CTNNA2: variants seen among roughly 807,000 people sequenced by gnomAD.
CTNNA2 encodes the protein catenin alpha 2, also known as catenin alpha-2.
Under a neutral mutation model 101.0 loss-of-function variants are expected in CTNNA2, and 42 were observed. The ratio of observed to expected loss-of-function variants is 0.42; its 90% CI spans 0.32 to 0.54. The LOEUF (loss-of-function observed/expected upper bound fraction) is 0.54, where lower values mean the gene tolerates loss of function less well. Ranked by LOEUF, CTNNA2 falls within the 20% of genes least tolerant of loss-of-function variation. CTNNA2 has a pLI of 0.14. For synonymous variants in CTNNA2, 450 were observed against 456.4 expected, an observed-to-expected ratio of 0.99 and a Z score of 0.18; for missense variants, 871 against 1,223.1, an observed-to-expected ratio of 0.71 and a Z score of 4.29.
intron 17 of CTNNA2, among the ~76,000 whole-genome samples, chr2:80,614,171 T>C (rs1388512833): frequency 6.6e-6 from 1 of 151,504 alleles, no homozygotes; most frequent in African/African-American, 2.4e-5. Flanking sequence ...ACTTGGAAAT[T>C]GGACACATGG....
chr2:79,959,001 G>A (rs1689441131), intron 7 of CTNNA2, among the ~76,000 whole-genome samples: 1 of 152,186 alleles, frequency 6.6e-6, no homozygotes, highest in East Asian at 1.9e-4. Flanking sequence ...TCGCAAGGAT[G>A]TATTAATCAA....
At chr2:80,381,933 C>A (rs1379123926) in intron 7 of CTNNA2, among the ~76,000 whole-genome samples, 3 of 152,204 alleles carry the variant, frequency 2.0e-5, no homozygotes, top group African/African-American at 7.2e-5. Flanking sequence ...TGTACTTCTT[C>A]TTCCAAGGGT....
At chr2:80,097,981 C>A (rs997585382) in intron 7 of CTNNA2, among the ~76,000 whole-genome samples, 1 of 152,118 alleles carries the variant, frequency 6.6e-6, no homozygotes, top group African/African-American at 2.4e-5. Context: ...GTAGTTCGAT[C>A]TTCTGAAACC....
At chr2:80,609,380 T>G (rs2149786442) in intron 17 of CTNNA2, among the ~76,000 whole-genome samples, 1 of 151,932 alleles carries the variant, frequency 6.6e-6, no homozygotes, top group East Asian at 1.9e-4. Context: ...AGAACTGATC[T>G]GGCTTGCATA....
intron 9 of CTNNA2, among the ~76,000 whole-genome samples, chr2:80,503,896 A>G (rs1053701735): frequency 1.3e-5 from 2 of 152,134 alleles, no homozygotes; most frequent in African/African-American, 4.8e-5. Context: ...TGAAAAGAGA[A>G]TGCTGAGCCA....
chr2:80,574,074 C>A (rs1694828574), intron 12 of CTNNA2, 89 bp from the exon 13 acceptor site: 2 of 1,391,784 alleles, frequency 1.4e-6, no homozygotes, highest in South Asian at 2.6e-5. Context: ...TTTTAGAATG[C>A]CCGAGGACCT....
intron 2 of CTNNA2, among the ~76,000 whole-genome samples, chr2:79,708,859 G>A (rs1685559108): frequency 6.6e-6 from 1 of 152,136 alleles, no homozygotes. Context: ...ATGAGAGGTG[G>A]CAGAACAGGT....
At chr2:80,258,110 G>A (rs1184177979) in intron 7 of CTNNA2, among the ~76,000 whole-genome samples, 1 of 152,196 alleles carries the variant, frequency 6.6e-6, no homozygotes, top group Non-Finnish European at 1.5e-5. Flanking sequence ...TCTAACAGAT[G>A]GATGTAAAGT....
intron 3 of CTNNA2, among the ~76,000 whole-genome samples, chr2:79,744,934 G>T (rs962789794): frequency 2.0e-5 from 3 of 152,126 alleles, no homozygotes; most frequent in Admixed American, 6.5e-5. Flanking sequence ...ATGGATGAAG[G>T]GGGAGAAGAA....
intron 2 of CTNNA2, among the ~76,000 whole-genome samples, chr2:79,694,473 T>G: frequency 6.6e-6 from 1 of 152,052 alleles, no homozygotes; most frequent in Non-Finnish European, 1.5e-5. Context: ...TGCTATGCAC[T>G]TCTTTGTCAA....
chr2:79,903,993 A>T (rs1685246267), intron 6 of CTNNA2, among the ~76,000 whole-genome samples: 1 of 152,146 alleles, frequency 6.6e-6, no homozygotes, highest in Non-Finnish European at 1.5e-5. Flanking sequence ...GGCACCGTAC[A>T]TGTGACCAGC....
intron 7 of CTNNA2, among the ~76,000 whole-genome samples, chr2:80,057,798 C>A (rs571925078): frequency 6.6e-5 from 10 of 152,274 alleles, no homozygotes; most frequent in Non-Finnish European, 1.3e-4. Flanking sequence ...ATTTGGATTT[C>A]TTTTGTGTAT....
intron 4 of CTNNA2, among the ~76,000 whole-genome samples, chr2:79,422,416 C>A (rs1280553610): frequency 6.6e-6 from 1 of 151,818 alleles, no homozygotes; most frequent in South Asian, 2.1e-4. Context: ...TGCTGCTAAA[C>A]ATCCTACAAC....
chr2:80,310,689 G>A (rs971959802), intron 7 of CTNNA2, among the ~76,000 whole-genome samples: 3 of 152,144 alleles, frequency 2.0e-5, no homozygotes, highest in Non-Finnish European at 2.9e-5. Flanking sequence ...TATGGCATGT[G>A]TGTATTTCTC....
At chr2:79,558,580 T>C (rs1000354230) in intron 1 of CTNNA2, among the ~76,000 whole-genome samples, 2 of 151,884 alleles carry the variant, frequency 1.3e-5, no homozygotes, top group African/African-American at 4.8e-5. Context: ...CAGTTCCTTA[T>C]AGAGTGCCTG....
chr2:79,378,148 A>G (rs866054855), intron 4 of CTNNA2, among the ~76,000 whole-genome samples: 1 of 152,162 alleles, frequency 6.6e-6, no homozygotes, highest in Non-Finnish European at 1.5e-5. Flanking sequence ...TATTGTATAC[A>G]TGCTTAAGTA....
chr2:79,543,860 C>T (rs147615334), intron 1 of CTNNA2, among the ~76,000 whole-genome samples: 4 of 152,204 alleles, frequency 2.6e-5, no homozygotes, highest in East Asian at 1.9e-4. Context: ...TTAAATTTCT[C>T]GTTATAAAAT....
intron 7 of CTNNA2, among the ~76,000 whole-genome samples, chr2:80,129,105 AC>A (rs1558835232): frequency 6.6e-6 from 1 of 152,192 alleles, no homozygotes; most frequent in Non-Finnish European, 1.5e-5. Flanking sequence ...TGGGAAACAC[AC>A]CTGTAAATGA....
At chr2:80,073,730 TCACA>T (rs3067109) in intron 7 of CTNNA2, among the ~76,000 whole-genome samples, 13,165 of 130,364 alleles carry the variant, frequency 0.1, 1,098 homozygotes, top group South Asian at 0.26. Flanking sequence ...TCTCTCTCTG[TCACA>T]CACACACACA....
Sources: gnomAD v4.1 joint callset for allele counts (sites outside exome capture counted in the v4.1 genomes callset) on GRCh38, gnomAD v4.1.1 for gene constraint, MANE v1.5 for transcripts, NCBI Gene and HGNC (gene_info 2026-07-23, HGNC 2026-07-21) for gene names.